ITPR2: variants seen among roughly 807,000 people sequenced by gnomAD.
ITPR2 encodes the protein inositol 1,4,5-trisphosphate-gated calcium channel ITPR2.
A neutral mutation model predicts 317.1 loss-of-function variants in ITPR2; 207 were observed. That is an observed-to-expected ratio of 0.65 (90% CI 0.58 to 0.73). ITPR2 has a LOEUF of 0.73. Among genes scored for constraint, ITPR2 ranks in the 30% least tolerant of loss-of-function variants. The pLI is 0.00. For missense variants in ITPR2, 2,613 were observed against 3,284.0 expected, an observed-to-expected ratio of 0.80 and a Z score of 4.99; for synonymous variants, 1,156 against 1,149.1, an observed-to-expected ratio of 1.01 and a Z score of -0.12.
At chr12:26,703,867 T>C (rs1317906810) in intron 9 of ITPR2, among the ~76,000 whole-genome samples, 2 of 152,176 alleles carry the variant, frequency 1.3e-5, no homozygotes, top group Admixed American at 6.5e-5. Flanking sequence ...TACAGGCCTT[T>C]CATTGCAGGG....
At chr12:26,619,980 G>A (rs1016839069) in intron 26 of ITPR2, among the ~76,000 whole-genome samples, 1 of 152,114 alleles carries the variant, frequency 6.6e-6, no homozygotes, top group African/African-American at 2.4e-5. Flanking sequence ...AAATTCTGGG[G>A]TGTCTGATTC....
At position 26,715,413 on chromosome 12, in the gene ITPR2, T is replaced by C; in HGVS notation, c.741A>G (p.Gln247=). The part of the protein sequence containing the change: ...GDVVRLFHAE[Q]EKFLTCDEYE... The stretch of plus-strand genomic sequence containing the variant: ...ATTCATCACAAGTCAAAAACTTCTC[T>C]TGTTCCGCATGAAATAATCTAACAA... The change falls in exon 8 of 57, where the codon CAA becomes CAG. Residue 247 remains glutamine, a synonymous_variant. Transcript: ENST00000381340. The C allele has an allele frequency of 6.2e-7, 1 of 1,613,554 alleles. No individual in the cohort carries two copies. The highest frequency in any genetic ancestry group is 1.1e-5 in the South Asian group (1 of 91,044).
At chr12:26,511,446 A>G (rs1943343588) in intron 37 of ITPR2, among the ~76,000 whole-genome samples, 1 of 152,194 alleles carries the variant, frequency 6.6e-6, no homozygotes, top group Non-Finnish European at 1.5e-5. Flanking sequence ...GGTTGGTATG[A>G]TTTTCTCACT....
chr12:26,500,938 C>T (rs990352390), intron 37 of ITPR2, among the ~76,000 whole-genome samples: 4 of 152,162 alleles, frequency 2.6e-5, no homozygotes, highest in Non-Finnish European at 1.5e-5. Flanking sequence ...CACATTCATT[C>T]CCATCCCCTT....
At chr12:26,574,135 A>G (rs185580679) in intron 34 of ITPR2, among the ~76,000 whole-genome samples, 10 of 152,022 alleles carry the variant, frequency 6.6e-5, no homozygotes, top group Admixed American at 6.5e-4. Flanking sequence ...ACTGCAAAAG[A>G]GTTACTTTTT....
At chr12:26,522,729 A>G (rs1943695913) in intron 37 of ITPR2, among the ~76,000 whole-genome samples, 1 of 152,246 alleles carries the variant, frequency 6.6e-6, no homozygotes, top group Non-Finnish European at 1.5e-5. Context: ...GGGTTTTAGT[A>G]CATATTAGAA....
At chr12:26,467,594 C>CAGCAATGGCATTTTACATTGCT (rs1942199746) in intron 45 of ITPR2, among the ~76,000 whole-genome samples, 1 of 152,090 alleles carries the variant, frequency 6.6e-6, no homozygotes, top group African/African-American at 2.4e-5. Flanking sequence ...GTCAAAGACA[C>CAGCAATGGCATTTTACATTGCT]AGCAATGGCA....
intron 39 of ITPR2, chr12:26,493,886 G>A (rs903147514): frequency 7.0e-6 from 2 of 284,358 alleles, no homozygotes; most frequent in Admixed American, 5.3e-5. Flanking sequence ...TCTCCTGTGT[G>A]CAGGTGAGCA....
intron 1 of ITPR2, 52 bp from the exon 2 acceptor site, chr12:26,790,279 CCA>C: frequency 4.5e-6 from 6 of 1,331,710 alleles, no homozygotes; most frequent in Non-Finnish European, 6.5e-6. Flanking sequence ...TATTCATAAA[CCA>C]CAGACTGCAC....
At chr12:26,509,692 T>C (rs1943279764) in intron 37 of ITPR2, among the ~76,000 whole-genome samples, 1 of 152,158 alleles carries the variant, frequency 6.6e-6, no homozygotes, top group African/African-American at 2.4e-5. Flanking sequence ...CAATTTCCTT[T>C]TAAAACTGTC....
intron 37 of ITPR2, among the ~76,000 whole-genome samples, chr12:26,531,088 A>G (rs978758792): frequency 1.3e-5 from 2 of 152,218 alleles, no homozygotes; most frequent in Non-Finnish European, 2.9e-5. Flanking sequence ...ACCCTTAAGA[A>G]TAAGATAAAA....
intron 54 of ITPR2, among the ~76,000 whole-genome samples, chr12:26,398,190 A>C (rs2136646423): frequency 6.6e-6 from 1 of 152,166 alleles, no homozygotes; most frequent in South Asian, 2.1e-4. Flanking sequence ...TGGGAGGCCA[A>C]GGCGGGTGGA....
chr12:26,413,667 A>G (rs1367335169), intron 51 of ITPR2, among the ~76,000 whole-genome samples: 4 of 152,322 alleles, frequency 2.6e-5, no homozygotes, highest in East Asian at 3.9e-4. Context: ...AACTGTCCCC[A>G]TATGCTGGGT....
At chr12:26,367,673 T>G (rs183655362) in intron 55 of ITPR2, among the ~76,000 whole-genome samples, 105 of 152,326 alleles carry the variant, frequency 6.9e-4, no homozygotes, top group African/African-American at 2.5e-3. Context: ...CAAATAAGAA[T>G]GGGCAGTAGG....
At chr12:26,796,544 G>T (rs1001307609) in intron 1 of ITPR2, among the ~76,000 whole-genome samples, 1 of 152,172 alleles carries the variant, frequency 6.6e-6, no homozygotes, top group Non-Finnish European at 1.5e-5. Flanking sequence ...GAAAAAATGT[G>T]ACATTTAAAA....
At chr12:26,421,772 A>G (rs1040270751) in intron 49 of ITPR2, among the ~76,000 whole-genome samples, 1 of 152,204 alleles carries the variant, frequency 6.6e-6, no homozygotes, top group African/African-American at 2.4e-5. Context: ...AAGTCAACAC[A>G]CAAATTTCAA....
chr12:26,428,387 A>G (rs1312974585), intron 48 of ITPR2, among the ~76,000 whole-genome samples: 2 of 152,174 alleles, frequency 1.3e-5, no homozygotes, highest in Non-Finnish European at 2.9e-5. Context: ...TTTGCTAAAT[A>G]CTTTTGATAG....
chr12:26,482,613 C>G (rs183553268), intron 42 of ITPR2, among the ~76,000 whole-genome samples: 2 of 152,166 alleles, frequency 1.3e-5, no homozygotes, highest in African/African-American at 2.4e-5. Context: ...GAAATATAAC[C>G]CAGAAAAATG....
At position 26,659,297 on chromosome 12, in the gene ITPR2, A is replaced by T; in HGVS notation, c.1714-12T>A. The T allele has an allele frequency of 6.2e-7, 1 of 1,611,528 alleles. No individual in the cohort carries two copies. The highest frequency in any genetic ancestry group is 8.5e-7 in the Non-Finnish European group (1 of 1,178,956). On this transcript the variant is annotated splice_polypyrimidine_tract_variant and intron_variant, in intron 15 of 56. Coordinates refer to ENST00000381340, the MANE Select transcript of ITPR2 (RefSeq NM_002223.4). ...TTAGCAATATATTCCTGCAAAGAAG[A>T]AAGGCTGTCAGAATGCACTGCCAAA...
Sources: allele counts gnomAD v4.1 joint callset (sites outside exome capture counted in the v4.1 genomes callset), GRCh38; gene constraint gnomAD v4.1.1; transcripts MANE v1.5; gene names NCBI Gene and HGNC (gene_info 2026-07-23, HGNC 2026-07-21).